ZCCHC2: variants seen among roughly 807,000 people sequenced by gnomAD.
ZCCHC2 encodes zinc finger CCHC domain-containing protein 2.
Under a neutral mutation model 103.6 loss-of-function variants are expected in ZCCHC2, and 39 were observed. The observed-to-expected ratio is 0.38, with a 90% confidence interval of 0.29 to 0.49. The LOEUF (loss-of-function observed/expected upper bound fraction) is 0.49. Among genes scored for constraint, ZCCHC2 ranks in the 20% least tolerant of loss-of-function variants. The pLI is 0.96. For missense variants in ZCCHC2, 1,483 were observed against 1,491.0 expected (o/e 0.99, Z 0.09); for synonymous variants, 687 against 608.9 (o/e 1.13, Z -1.89).
At chr18:62,568,459 A>C (rs1433940756) in intron 11 of ZCCHC2, among the ~76,000 whole-genome samples, 1 of 152,204 alleles carries the variant, frequency 6.6e-6, no homozygotes. Context: ...TTATCAAAAA[A>C]AAGTTACGTT....
chr18:62,567,051 C>G (rs1916397581), intron 11 of ZCCHC2, among the ~76,000 whole-genome samples: 1 of 152,192 alleles, frequency 6.6e-6, no homozygotes, highest in African/African-American at 2.4e-5. Flanking sequence ...ATTTTCTCCT[C>G]TATATCCGTC....
At chr18:62,548,691 G>A (rs533608117) in intron 4 of ZCCHC2, among the ~76,000 whole-genome samples, 123 of 152,262 alleles carry the variant, frequency 8.1e-4, no homozygotes, top group African/African-American at 2.6e-3. Flanking sequence ...GGGAAGCCAC[G>A]GCCTGTGGAT....
At chr18:62,533,549 C>T (rs1232154850) in intron 1 of ZCCHC2, among the ~76,000 whole-genome samples, 1 of 150,798 alleles carries the variant, frequency 6.6e-6, no homozygotes, top group Non-Finnish European at 1.5e-5. Flanking sequence ...GAAAAAATAC[C>T]AATATGATAC....
intron 1 of ZCCHC2, among the ~76,000 whole-genome samples, chr18:62,539,091 C>G (rs182547626): frequency 2.0e-5 from 3 of 152,276 alleles, no homozygotes; most frequent in African/African-American, 2.4e-5. Flanking sequence ...CTCCAAGCAT[C>G]GGATCTAGGA....
intron 4 of ZCCHC2, among the ~76,000 whole-genome samples, chr18:62,548,514 G>T (rs1235653199): frequency 2.0e-5 from 3 of 152,182 alleles, no homozygotes; most frequent in Non-Finnish European, 4.4e-5. Flanking sequence ...GCTGTGTACA[G>T]ATATTCAGTA....
At chr18:62,571,320 A>G (rs1447070833) in intron 12 of ZCCHC2, among the ~76,000 whole-genome samples, 9 of 152,186 alleles carry the variant, frequency 5.9e-5, no homozygotes, top group Non-Finnish European at 1.3e-4. Context: ...TGGTGTTTGC[A>G]CTGATTTCAG....
At chr18:62,533,019 A>G (rs907251353) in intron 1 of ZCCHC2, among the ~76,000 whole-genome samples, 1 of 152,218 alleles carries the variant, frequency 6.6e-6, no homozygotes, top group African/African-American at 2.4e-5. Context: ...CAGAGGCTGC[A>G]GTGAGCTGAG....
In ZCCHC2 at chr18:62,574,605, G is replaced by A. The variant is rs373529654; in HGVS notation, c.2524G>A (p.Ala842Thr). 4.8e-5 allele frequency: 78 copies of A among 1,613,796 alleles called. No homozygotes were observed. The East Asian group carries it at 5.8e-4, about 12-fold the overall frequency. The change falls in exon 13 of 14, where the codon GCA (alanine) becomes ACA (threonine). Residue 842 changes from alanine to threonine, a missense_variant. Coordinates refer to ENST00000269499, the MANE Select transcript of ZCCHC2 (RefSeq NM_017742.6). ...ACAACCACCCGGAAGCCTGAGCATC[G>A]CATCACCAAACACTGCCTTTATTCC... Reference protein sequence around the residue: ...PQQPPGSLSIASPNTAFIPIH... With the variant: ...PQQPPGSLSITSPNTAFIPIH...
At chr18:62,550,590 C>T in intron 5 of ZCCHC2, 130 bp downstream of exon 5, 1 of 662,848 alleles carries the variant, frequency 1.5e-6, no homozygotes, top group Non-Finnish European at 2.6e-6. Flanking sequence ...GACATGTTAT[C>T]CTTGTGCTAT....
Position 62,576,750 on chromosome 18 carries a change from G to A in ZCCHC2, c.*171G>A, listed in dbSNP as rs910245830. ...TGTCCAAAACAAGAAAGAATGCAAT[G>A]CTTTTGAGCCTCTGGTCTCCTGGTT... On this transcript the variant is annotated 3_prime_UTR_variant, in exon 14 of 14. Coordinates refer to ENST00000269499, the MANE Select transcript of ZCCHC2 (RefSeq NM_017742.6). The A allele has an allele frequency of 5.0e-6, 3 of 597,748 alleles. No individual in the cohort carries two copies. The highest frequency in any genetic ancestry group is 8.7e-6 in the Non-Finnish European group (3 of 345,086). 37.0% of individuals were successfully genotyped at this position (597,748 alleles called of 1,614,324 possible).
At chr18:62,543,641 C>A (rs1915294515) in intron 3 of ZCCHC2, among the ~76,000 whole-genome samples, 1 of 152,208 alleles carries the variant, frequency 6.6e-6, no homozygotes, top group Non-Finnish European at 1.5e-5. Flanking sequence ...AGACCGAGGA[C>A]AGGCCACCTT....
In ZCCHC2 at chr18:62,576,523, C is replaced by T. The variant is rs1429847131; in HGVS notation, c.3481C>T (p.Leu1161=). 1 of 1,613,606 alleles carries T rather than the reference C, an allele frequency of 6.2e-7. No individual in the cohort carries two copies. Among genetic ancestry groups the T allele is most frequent in the African/African-American group, 1.3e-5 (1 of 74,914 alleles). ...CTTTCCCATTTTAGGCACTTACAGA[C>T]TGAGATACGCACCTCCCCTCCCCCC... ...MEANQQGTYR[L]RYAPPLPPSN... The change falls in exon 14 of 14, where the codon CTG becomes TTG. Residue 1161 remains leucine, a synonymous_variant. Transcript: ENST00000269499.
chr18:62,560,299 T>G (rs1257327222), intron 7 of ZCCHC2: 1 of 265,902 alleles, frequency 3.8e-6, no homozygotes, highest in African/African-American at 2.2e-5. Context: ...AAGTTCTATC[T>G]GAAATTGGAT....
At chr18:62,535,479 G>A (rs1173590295) in intron 1 of ZCCHC2, among the ~76,000 whole-genome samples, 1 of 152,132 alleles carries the variant, frequency 6.6e-6, no homozygotes, top group Non-Finnish European at 1.5e-5. Context: ...CAGTTTTGTG[G>A]GTGAGGGATT....
intron 12 of ZCCHC2, among the ~76,000 whole-genome samples, chr18:62,570,865 G>A (rs1351592718): frequency 6.6e-6 from 1 of 152,052 alleles, no homozygotes; most frequent in Non-Finnish European, 1.5e-5. Context: ...CTGCCATTTT[G>A]TTGTTTTCTC....
chr18:62,560,567 T>TA lies in ZCCHC2; in HGVS notation c.1493-19dup. On this transcript the variant is annotated intron_variant, in intron 7 of 13. Coordinates refer to ENST00000269499, the MANE Select transcript of ZCCHC2 (RefSeq NM_017742.6). ...TGCTGCAGCATTTAGTGTAATAAGTTACTTTTTCCTCTCTTCTAGATGTGT... is the reference window on the plus strand; with the variant it reads ...TGCTGCAGCATTTAGTGTAATAAGTTAACTTTTTCCTCTCTTCTAGATGTGT... 3 of 1,609,002 alleles carry TA rather than the reference T, an allele frequency of 1.9e-6. No homozygotes were observed. Among genetic ancestry groups the TA allele is most frequent in the Non-Finnish European group, 2.5e-6 (3 of 1,176,836 alleles).
chr18:62,542,596 A>C (rs1180860066), intron 3 of ZCCHC2, 22 bp downstream of exon 3: 25 of 1,547,586 alleles, frequency 1.6e-5, no homozygotes, highest in Non-Finnish European at 2.2e-5. Flanking sequence ...TCCCCACAAA[A>C]GATACCTCAC....
At chr18:62,579,060 G>A (rs1439398135), downstream of ZCCHC2, among the ~76,000 whole-genome samples, 2 of 152,162 alleles carry the variant, frequency 1.3e-5, no homozygotes, top group Non-Finnish European at 2.9e-5. Flanking sequence ...GAGCCTCCAT[G>A]CCCGGCCTCC....
chr18:62,554,125 C>A (rs924795780), intron 5 of ZCCHC2, among the ~76,000 whole-genome samples: 1 of 152,182 alleles, frequency 6.6e-6, no homozygotes. Flanking sequence ...GGCGGGAATT[C>A]GTATATTTTC....
Sources: gnomAD v4.1 joint callset for allele counts (sites outside exome capture counted in the v4.1 genomes callset) on GRCh38, gnomAD v4.1.1 for gene constraint, MANE v1.5 for transcripts, NCBI Gene and HGNC (gene_info 2026-07-23, HGNC 2026-07-21) for gene names.